MEGF8: variants seen among roughly 807,000 people sequenced by gnomAD.
MEGF8 encodes multiple EGF like domains 8.
Under a neutral mutation model 302.9 loss-of-function variants are expected in MEGF8, and 156 were observed. That is an observed-to-expected ratio of 0.52 (90% CI 0.45 to 0.59). The LOEUF (loss-of-function observed/expected upper bound fraction) is 0.59. MEGF8 is among the 20% of genes least tolerant of loss of function. MEGF8 has a pLI of 0.00. For missense variants in MEGF8, 3,345 were observed against 3,964.5 expected (o/e 0.84, Z 4.20); for synonymous variants, 1,621 against 1,660.5 (o/e 0.98, Z 0.58).
In MEGF8 at chr19:42,375,943, T is replaced by G; in HGVS notation, c.7706T>G (p.Val2569Gly). The G allele has an allele frequency of 1.2e-6, 2 of 1,603,684 alleles. No homozygotes were observed. Among genetic ancestry groups the G allele is most frequent in the Non-Finnish European group, 1.7e-6 (2 of 1,175,502 alleles). Residue 2569 changes from valine to glycine, a missense_variant, in exon 42 of 42, where the codon GTA becomes GGA. Transcript: ENST00000251268. The surrounding 1 kb of genome is among the most constrained non-coding windows in gnomAD (Gnocchi z 7.1). ...GAPAEPRVRE[V>G]WPRGLITYVT... is the part of the protein sequence containing the mutation. ...CCAGCAGAGCCACGGGTACGGGAGGTATGGCCGCGGGGCCTGATTACCTAC... is the reference window on the plus strand; with the variant it reads ...CCAGCAGAGCCACGGGTACGGGAGGGATGGCCGCGGGGCCTGATTACCTAC...
rs1011637908 is a variant in MEGF8, at chr19:42,326,019, T to A, written c.-225T>A. The stretch of plus-strand genomic sequence containing the variant: ...CGGCCCCGTCCATAATGACTCCATA[T>A]ACAGGGCCTTCCATCGCTCTATAGG... On this transcript the variant is annotated 5_prime_UTR_variant, in exon 1 of 42. It introduces an in-frame stop codon into an upstream open reading frame of the 5' UTR. Transcript: ENST00000251268. 1.6e-6 allele frequency: 1 copy of A among 624,220 alleles called. No homozygotes were observed. The highest frequency in any genetic ancestry group is 2.5e-6 in the Non-Finnish European group (1 of 406,706). The allele number at this position is 624,220 out of a possible 1,614,324, so 38.7% of individuals were successfully genotyped here.
Position 42,344,051 on chromosome 19 carries a change from C to T in MEGF8, c.1766C>T (p.Pro589Leu). 3 of 1,613,640 alleles carry T rather than the reference C, an allele frequency of 1.9e-6. No individual in the cohort carries two copies. The highest frequency in any genetic ancestry group is 2.5e-6 in the Non-Finnish European group (3 of 1,179,728). ...WCQGACQAAPPPGTPLGACPA... is the reference protein window; with the variant it reads ...WCQGACQAAPLPGTPLGACPA... ...CAAGGAGCCTGCCAAGCTGCACCCC[C>T]TCCTGGGACCCCCTTGGGGGCTGTG... Residue 589 changes from proline to leucine, a missense_variant, in exon 10 of 42, where the codon CCT becomes CTT. Physicochemically the swap from Pro to Leu is moderately conservative, Grantham distance 98 (BLOSUM62 -3). Transcript: ENST00000251268. This position sits in a 1 kb window ranked among gnomAD's most constrained non-coding sequence, Gnocchi z 4.5.
intron 9 of MEGF8, 100 bp downstream of exon 9, chr19:42,343,731 G>T: frequency 7.0e-7 from 1 of 1,426,622 alleles, no homozygotes. Flanking sequence ...GGGAGAAGGA[G>T]TGGGGATCCC....
intron 39 of MEGF8, 171 bp downstream of exon 39, chr19:42,370,530 T>G: frequency 1.1e-6 from 1 of 899,656 alleles, no homozygotes; most frequent in Non-Finnish European, 1.6e-6. Context: ...AACTCCTGGG[T>G]CTGAGGGAAG....
At position 42,358,791 on chromosome 19, in the gene MEGF8, A is replaced by T; in HGVS notation, c.5180A>T (p.Asp1727Val). ...LLAPSQGAKR[D>V]RMRNVRGSSR... ...GGACGCCCCCACTGTCACTAGCGAG[A>T]TCGTATGAGGAATGTGCGTGGCTCA... The change falls in exon 30 of 42, where the codon GAT becomes GTT. Residue 1727 changes from aspartate (D) to valine (V), a missense_variant. Coordinates refer to ENST00000251268, the MANE Select transcript of MEGF8 (RefSeq NM_001271938.2). This position sits in a 1 kb window ranked among gnomAD's most constrained non-coding sequence, Gnocchi z 4.4. The T allele has an allele frequency of 2.6e-6, 4 of 1,547,390 alleles. No individual in the cohort carries two copies. Among genetic ancestry groups the T allele is most frequent in the Non-Finnish European group, 2.6e-6 (3 of 1,147,706 alleles).
At position 42,355,851 on chromosome 19, in the gene MEGF8, G is replaced by T. The variant is rs2039443802; in HGVS notation, c.4238G>T (p.Gly1413Val). 6.4e-7 allele frequency: 1 copy of T among 1,568,098 alleles called. No individual in the cohort carries two copies. Among genetic ancestry groups the T allele is most frequent in the African/African-American group, 1.4e-5 (1 of 73,964 alleles). Residue 1413 changes from glycine to valine, a missense_variant, in exon 24 of 42, where the codon GGG (glycine) becomes GTG (valine). Coordinates refer to ENST00000251268, the MANE Select transcript of MEGF8 (RefSeq NM_001271938.2). ...GCCCGCTGTGGGTCAGGGGGCCCCG[G>T]GAGCTGTCCCGTCCCCCAGGAATGC... ...GSARCGSGGP[G>V]SCPVPQECVP... is the part of the protein sequence containing the mutation.
At chr19:42,359,020 G>A in intron 30 of MEGF8, 66 bp downstream of exon 30, 1 of 1,561,082 alleles carries the variant, frequency 6.4e-7, no homozygotes, top group South Asian at 1.2e-5. Flanking sequence ...AAGTACAGGG[G>A]TGGCTGGAGG....
At chr19:42,372,075 A>AAC in intron 41 of MEGF8, among the ~76,000 whole-genome samples, 2 of 88,246 alleles carry the variant, frequency 2.3e-5, no homozygotes, top group East Asian at 3.0e-4. Context: ...ACAACAACAA[A>AAC]CACACACACA....
chr19:42,354,761 T>A lies in MEGF8; in HGVS notation c.4144+41T>A, dbSNP rs932142687. The A allele has an allele frequency of 1.9e-5, 30 of 1,562,560 alleles. No homozygotes were observed. The highest frequency in any genetic ancestry group is 2.5e-5 in the Non-Finnish European group (29 of 1,154,912). On this transcript the variant is annotated intron_variant, in intron 23 of 41. Transcript: ENST00000251268. The surrounding 1 kb of genome is among the most constrained non-coding windows in gnomAD (Gnocchi z 4.3). ...GAAGTGGGACCTCTTAGTCCTGGGC[T>A]ATGTATCCCTTGCCCCTGAACTCAC...
chr19:42,337,500 T>C (rs930937560), intron 8 of MEGF8, among the ~76,000 whole-genome samples: 1 of 151,492 alleles, frequency 6.6e-6, no homozygotes, highest in Non-Finnish European at 1.5e-5. Context: ...AACTTTCTTT[T>C]CTTTTCTTTT....
rs776522130 is a variant in MEGF8 at position 42,334,198 on chromosome 19, C to A, written c.543C>A (p.His181Gln). The A allele has an allele frequency of 6.9e-6, 11 of 1,600,536 alleles. No individual in the cohort carries two copies. In the African/African-American group the frequency reaches 1.2e-4, roughly 18 times the overall value. ...AGTGCTCAGCCTACTGTGGCAGCCA[C>A]GGCACCTGCGCCTCGGTGAGCCGGT... ...LQECSAYCGS[H>Q]GTCASPLGPC... The change falls in exon 3 of 42, where the codon CAC (histidine) becomes CAA (glutamine). Residue 181 changes from histidine to glutamine, a missense_variant. Physicochemically the swap from His to Gln is conservative, Grantham distance 24 (BLOSUM62 0). Coordinates refer to ENST00000251268, the MANE Select transcript of MEGF8 (RefSeq NM_001271938.2).
rs369140730 is a variant in MEGF8, at chr19:42,351,604, G to A, written c.2987+44G>A. 4.6e-5 allele frequency: 73 copies of A among 1,601,586 alleles called. No homozygotes were observed. The Admixed American group carries it at 6.9e-4, about 15-fold the overall frequency. On this transcript the variant is annotated intron_variant, in intron 17 of 41. Transcript: ENST00000251268. This position sits in a 1 kb window ranked among gnomAD's most constrained non-coding sequence, Gnocchi z 5.6. ...GGCTAACAGAGGAAGATTCCCCACCGGCAAGGGGCTGGGGCTCTGACCCCC... is the reference window on the plus strand; with the variant it reads ...GGCTAACAGAGGAAGATTCCCCACCAGCAAGGGGCTGGGGCTCTGACCCCC...
rs111595088 is a variant in MEGF8 at position 42,375,644 on chromosome 19, G to A, written c.7407G>A (p.Ala2469=). The change falls in exon 42 of 42, where the codon GCG becomes GCA. Residue 2469 remains alanine, a synonymous_variant. Coordinates refer to ENST00000251268, the MANE Select transcript of MEGF8 (RefSeq NM_001271938.2). This position sits in a 1 kb window ranked among gnomAD's most constrained non-coding sequence, Gnocchi z 7.1. ...GCTTCCATGAGCCCAAACGCCGGGC[G>A]CTAGGCCCCGGCCGCACTGTCCTCT... ...TNCFHEPKRR[A]LGPGRTVLFG... 1.0e-4 allele frequency: 162 copies of A among 1,609,438 alleles called. No individual in the cohort carries two copies. The highest frequency in any genetic ancestry group is 1.7e-4 in the Middle Eastern group (1 of 6,054).
In MEGF8 at chr19:42,362,715, G is replaced by A. The variant is rs2039550304; in HGVS notation, c.6058+118G>A. The A allele has an allele frequency of 2.5e-6, 3 of 1,200,318 alleles. No homozygotes were observed. In the Admixed American group the frequency reaches 5.8e-5, roughly 23 times the overall value. 74.4% of individuals were successfully genotyped at this position (1,200,318 alleles called of 1,614,324 possible). A position where few individuals can be genotyped will look rare whatever the true frequency, so the allele number is the denominator to read the frequency against. ...CTGAGGGAGGAGGGGCTGGGGGCCT[G>A]GACTCCTGGGTCTGAGGGAGAAGGG... On this transcript the variant is annotated intron_variant, in intron 34 of 41. Transcript: ENST00000251268.
Position 42,370,826 on chromosome 19 carries a change from C to T in MEGF8, c.7131C>T (p.Cys2377=), listed in dbSNP as rs2147510422. The T allele has an allele frequency of 4.3e-6, 3 of 705,128 alleles. No homozygotes were observed. Among genetic ancestry groups the T allele is most frequent in the South Asian group, 1.6e-5 (1 of 64,180 alleles). 43.7% of individuals were successfully genotyped at this position (705,128 alleles called of 1,614,324 possible). ...LQGYFLLDGK[C]TKCQCNGHAD... ...GCTACTTCCTCCTGGACGGGAAGTGCACCAAGTAAGAGGAACCGGGGGGGG... is the reference window on the plus strand; with the variant it reads ...GCTACTTCCTCCTGGACGGGAAGTGTACCAAGTAAGAGGAACCGGGGGGGG... Residue 2377 remains cysteine (C), a synonymous_variant, in exon 40 of 42, where the codon TGC becomes TGT. Coordinates refer to ENST00000251268, the MANE Select transcript of MEGF8 (RefSeq NM_001271938.2).
At chr19:42,330,244 C>T (rs1195908461) in intron 1 of MEGF8, among the ~76,000 whole-genome samples, 1 of 152,146 alleles carries the variant, frequency 6.6e-6, no homozygotes, top group African/African-American at 2.4e-5. Context: ...CTTATAACAT[C>T]CTCATGGATA....
intron 8 of MEGF8, among the ~76,000 whole-genome samples, chr19:42,338,823 GTA>G (rs1447251330): frequency 1.3e-4 from 10 of 79,628 alleles, no homozygotes; most frequent in African/African-American, 4.8e-4. Context: ...TTCTTTCTAT[GTA>G]TTTTTTTTTT....
chr19:42,353,692 G>A lies in MEGF8; in HGVS notation c.3761+17G>A. On this transcript the variant is annotated intron_variant, in intron 21 of 41. Transcript: ENST00000251268. The surrounding 1 kb of genome is among the most constrained non-coding windows in gnomAD (Gnocchi z 6.1). ...GGATCCCCGGTGAGCCAACGGGCCAGCCAGGGCTGGGTAGGGTGTGCTTGG... is the reference window on the plus strand; with the variant it reads ...GGATCCCCGGTGAGCCAACGGGCCAACCAGGGCTGGGTAGGGTGTGCTTGG... 6.3e-7 allele frequency: 1 copy of A among 1,576,592 alleles called. No homozygotes were observed. Among genetic ancestry groups the A allele is most frequent in the Non-Finnish European group, 8.6e-7 (1 of 1,156,364 alleles).
chr19:42,329,888 A>T (rs2147440223), intron 1 of MEGF8, among the ~76,000 whole-genome samples: 1 of 152,130 alleles, frequency 6.6e-6, no homozygotes, highest in South Asian at 2.1e-4. Context: ...AAAAAAAAAA[A>T]AAAGATAAAC....
Sources: allele counts gnomAD v4.1 joint callset (sites outside exome capture counted in the v4.1 genomes callset), GRCh38; gene constraint gnomAD v4.1.1; non-coding constraint Gnocchi (gnomAD v3.1); transcripts MANE v1.5; gene names NCBI Gene and HGNC (gene_info 2026-07-23, HGNC 2026-07-21).